The following ASCC3 variants were observed in gnomAD, a reference collection of about 807,000 sequenced individuals.
ASCC3 encodes ASC-1 complex subunit P200.
ASCC3 carries 158 observed loss-of-function variants against 256.3 expected under a neutral mutation model. The ratio of observed to expected loss-of-function variants is 0.62; its 90% CI spans 0.54 to 0.70. The LOEUF (loss-of-function observed/expected upper bound fraction) is 0.70. ASCC3 is among the 30% of genes least tolerant of loss of function. ASCC3 has a pLI of 0.00. For synonymous variants in ASCC3, 948 were observed against 883.4 expected, an observed-to-expected ratio of 1.07 and a Z score of -1.30; for missense variants, 2,259 against 2,626.0, an observed-to-expected ratio of 0.86 and a Z score of 3.05.
intron 4 of ASCC3, among the ~76,000 whole-genome samples, chr6:100,809,265 A>T (rs1400080065): frequency 6.6e-6 from 1 of 152,040 alleles, no homozygotes; most frequent in Non-Finnish European, 1.5e-5. Flanking sequence ...TGACTCTTTT[A>T]TAACAATACC....
At chr6:100,720,818 T>C (rs1185024622) in intron 11 of ASCC3, among the ~76,000 whole-genome samples, 3 of 148,480 alleles carry the variant, frequency 2.0e-5, no homozygotes, top group Non-Finnish European at 4.5e-5. Flanking sequence ...TATACATATA[T>C]AATATATATG....
At chr6:100,655,639 A>T (rs1775878593) in intron 17 of ASCC3, 60 bp downstream of exon 17, 1 of 1,558,580 alleles carries the variant, frequency 6.4e-7, no homozygotes, top group Non-Finnish European at 8.8e-7. Flanking sequence ...ATCTATCCTC[A>T]TATCATGAAA....
chr6:100,706,974 A>T (rs189603339), intron 13 of ASCC3, among the ~76,000 whole-genome samples: 8 of 152,262 alleles, frequency 5.3e-5, no homozygotes, highest in African/African-American at 1.9e-4. Context: ...TGGCCTAGGC[A>T]TCTGTAATAC....
At chr6:100,564,885 G>A (rs977255021) in intron 36 of ASCC3, among the ~76,000 whole-genome samples, 1 of 152,042 alleles carries the variant, frequency 6.6e-6, no homozygotes, top group African/African-American at 2.4e-5. Context: ...TGCAGTACCT[G>A]TATAAAAGAA....
intron 16 of ASCC3, among the ~76,000 whole-genome samples, chr6:100,659,403 A>G (rs1259022961): frequency 6.6e-6 from 1 of 151,476 alleles, no homozygotes; most frequent in Non-Finnish European, 1.5e-5. Flanking sequence ...AACTATTCCA[A>G]TAGATTAGAA....
At chr6:100,799,402 T>C in intron 7 of ASCC3, 29 bp downstream of exon 7, 1 of 1,607,578 alleles carries the variant, frequency 6.2e-7, no homozygotes, top group Non-Finnish European at 8.5e-7. Flanking sequence ...GACATATTAT[T>C]GAACAGTAGT....
chr6:100,680,027 T>C (rs1304187912), intron 13 of ASCC3, among the ~76,000 whole-genome samples: 1 of 152,210 alleles, frequency 6.6e-6, no homozygotes, highest in Non-Finnish European at 1.5e-5. Flanking sequence ...TAATTCATTA[T>C]CATAGTCATG....
intron 4 of ASCC3, 151 bp downstream of exon 4, chr6:100,847,997 A>C: frequency 7.3e-6 from 5 of 683,520 alleles, no homozygotes; most frequent in Non-Finnish European, 1.2e-5. Context: ...GAACGTATAT[A>C]CAGGCCTGCT....
chr6:100,667,353 G>T (rs1776528996), intron 14 of ASCC3, among the ~76,000 whole-genome samples: 1 of 152,150 alleles, frequency 6.6e-6, no homozygotes, highest in South Asian at 2.1e-4. Flanking sequence ...AGGGCATTCT[G>T]TTCAGAGGGT....
At chr6:100,724,441 G>A (rs1033631400) in intron 11 of ASCC3, among the ~76,000 whole-genome samples, 3 of 151,878 alleles carry the variant, frequency 2.0e-5, no homozygotes, top group Non-Finnish European at 4.4e-5. Flanking sequence ...GTGAGGGATA[G>A]GTTTAAGGAA....
At chr6:100,633,104 C>T (rs1774638855) in intron 25 of ASCC3, among the ~76,000 whole-genome samples, 2 of 152,160 alleles carry the variant, frequency 1.3e-5, no homozygotes, top group Non-Finnish European at 1.5e-5. Flanking sequence ...TCCCTTTCCA[C>T]GCTTCCAATT....
chr6:100,710,476 G>A (rs546883384), intron 13 of ASCC3, among the ~76,000 whole-genome samples: 1 of 152,126 alleles, frequency 6.6e-6, no homozygotes, highest in Non-Finnish European at 1.5e-5. Flanking sequence ...ACCATAGTAA[G>A]AGCCTGCCCT....
chr6:100,608,118 C>CATATATATGTATATATACG (rs1773044100), intron 30 of ASCC3, among the ~76,000 whole-genome samples: 3 of 23,356 alleles, frequency 1.3e-4, no homozygotes, highest in South Asian at 1.5e-3. Flanking sequence ...GTATATATAT[C>CATATATATGTATATATACG]TATATATACA....
chr6:100,872,432 A>G (rs367566953), intron 1 of ASCC3, among the ~76,000 whole-genome samples: 5 of 136,498 alleles, frequency 3.7e-5, no homozygotes, highest in African/African-American at 1.4e-4. Flanking sequence ...TGAAAACTTT[A>G]AAGCTCCCTG....
At chr6:100,510,737 C>T (rs1773718540) in intron 40 of ASCC3, among the ~76,000 whole-genome samples, 1 of 152,030 alleles carries the variant, frequency 6.6e-6, no homozygotes, top group Non-Finnish European at 1.5e-5. Context: ...CACCACAATC[C>T]AAAATTAGAT....
chr6:100,576,582 T>C (rs1219371361), intron 36 of ASCC3, among the ~76,000 whole-genome samples: 4 of 152,076 alleles, frequency 2.6e-5, no homozygotes, highest in African/African-American at 9.7e-5. Flanking sequence ...AATTTCGTTA[T>C]TTATATATTA....
In ASCC3 at chr6:100,647,269, C is replaced by T; in HGVS notation, c.3435G>A (p.Lys1145=). The T allele has an allele frequency of 1.2e-6, 2 of 1,613,952 alleles. No individual in the cohort carries two copies. The highest frequency in any genetic ancestry group is 1.1e-5 in the South Asian group (1 of 91,074). The part of the protein sequence containing the change: ...PHILTRLEEK[K]LTVDKLKDMR... ...TGTCTTTCAGCTTATCCACAGTAAG[C>T]TTTTTTTCTTCTAATCTTGTTAGGA... is the stretch of plus-strand genomic sequence containing the variant. Residue 1145 remains lysine, a synonymous_variant, in exon 21 of 42, where the codon AAG becomes AAA. Coordinates refer to ENST00000369162, the MANE Select transcript of ASCC3 (RefSeq NM_006828.4).
chr6:100,682,193 GAATT>G (rs1179065224), intron 13 of ASCC3, among the ~76,000 whole-genome samples: 8 of 150,816 alleles, frequency 5.3e-5, no homozygotes, highest in Admixed American at 2.0e-4. Flanking sequence ...AAGAAAATCG[GAATT>G]AAAATGAAGT....
chr6:100,700,811 C>T (rs934147502), intron 13 of ASCC3, among the ~76,000 whole-genome samples: 39 of 152,332 alleles, frequency 2.6e-4, no homozygotes, highest in African/African-American at 9.4e-4. Context: ...AATGCCTGTA[C>T]CCCATTGTAT....
Sources: gnomAD v4.1 joint callset for allele counts (sites outside exome capture counted in the v4.1 genomes callset) on GRCh38, gnomAD v4.1.1 for gene constraint, MANE v1.5 for transcripts, NCBI Gene and HGNC (gene_info 2026-07-23, HGNC 2026-07-21) for gene names.